The following ADGRF5 variants were observed in gnomAD, a reference collection of about 807,000 sequenced individuals.
The protein encoded by ADGRF5 is adhesion G protein-coupled receptor F5.
A neutral mutation model predicts 132.3 loss-of-function variants in ADGRF5; 75 were observed. That is an observed-to-expected ratio of 0.57 (90% CI 0.47 to 0.69). The LOEUF (loss-of-function observed/expected upper bound fraction) is 0.69. ADGRF5 is among the 30% of genes least tolerant of loss of function. The probability of loss-of-function intolerance (pLI) is 0.00; values close to 1 mark genes in which losing one functional copy is unlikely to be tolerated. For missense variants in ADGRF5, 1,516 were observed against 1,630.6 expected, an observed-to-expected ratio of 0.93 and a Z score of 1.21; for synonymous variants, 629 against 597.6, an observed-to-expected ratio of 1.05 and a Z score of -0.77.
intron 1 of ADGRF5, among the ~76,000 whole-genome samples, chr6:46,939,104 C>A (rs568465751): frequency 1.3e-5 from 2 of 152,148 alleles, no homozygotes; most frequent in Admixed American, 6.5e-5. Context: ...CTCTTGACCT[C>A]GTGATCCCCC....
At chr6:46,934,038 C>T (rs1203171708) in intron 1 of ADGRF5, among the ~76,000 whole-genome samples, 1 of 152,166 alleles carries the variant, frequency 6.6e-6, no homozygotes, top group Non-Finnish European at 1.5e-5. Context: ...AAGATCTAGA[C>T]TTTGTGTTTT....
chr6:46,929,070 T>C (rs2150933538), intron 1 of ADGRF5, among the ~76,000 whole-genome samples: 1 of 152,194 alleles, frequency 6.6e-6, no homozygotes, highest in Admixed American at 6.5e-5. Flanking sequence ...CTATTCACAA[T>C]AGCAAAGACT....
intron 14 of ADGRF5, 28 bp from the exon 15 acceptor site, chr6:46,863,124 A>G: frequency 6.6e-7 from 1 of 1,520,248 alleles, no homozygotes; most frequent in Non-Finnish European, 9.1e-7. Context: ...AAATAAAGGG[A>G]TAATTGCAAG....
chr6:46,864,714 C>A (rs980212548), intron 14 of ADGRF5, among the ~76,000 whole-genome samples: 1 of 151,940 alleles, frequency 6.6e-6, no homozygotes, highest in Admixed American at 6.6e-5. Context: ...TTAGTAGAGA[C>A]GAGGTTTCAC....
chr6:46,914,265 C>G (rs1776234669), intron 1 of ADGRF5, among the ~76,000 whole-genome samples: 1 of 152,058 alleles, frequency 6.6e-6, no homozygotes, highest in Non-Finnish European at 1.5e-5. Context: ...ATTAAAAAAC[C>G]CTTAAGTGTA....
intron 14 of ADGRF5, 54 bp from the exon 15 acceptor site, chr6:46,863,150 T>C (rs1260332123): frequency 2.3e-5 from 30 of 1,315,996 alleles, no homozygotes; most frequent in Non-Finnish European, 3.0e-5. Flanking sequence ...GACAATATAG[T>C]AGAAATACGG....
At chr6:46,909,293 C>G (rs534407350) in intron 1 of ADGRF5, among the ~76,000 whole-genome samples, 1 of 152,272 alleles carries the variant, frequency 6.6e-6, no homozygotes, top group East Asian at 1.9e-4. Context: ...AAGAGAGAAA[C>G]AGAGGCAGAG....
intron 1 of ADGRF5, among the ~76,000 whole-genome samples, chr6:46,947,949 G>A (rs972036956): frequency 5.3e-5 from 8 of 152,142 alleles, no homozygotes; most frequent in African/African-American, 1.9e-4. Context: ...GGGTGGTGAT[G>A]GGGCTGTGGA....
chr6:46,860,504 G>T (rs550258376), intron 16 of ADGRF5, among the ~76,000 whole-genome samples: 4 of 152,228 alleles, frequency 2.6e-5, no homozygotes, highest in Non-Finnish European at 5.9e-5. Context: ...AAATAAAGCA[G>T]AGATTCACTA....
chr6:46,854,600 G>A (rs867762464), intron 20 of ADGRF5: 16 of 519,688 alleles, frequency 3.1e-5, no homozygotes, highest in Middle Eastern at 6.4e-4. Context: ...GCGCAGCAAG[G>A]AAGGCAGCCT....
chr6:46,888,721 A>C (rs1483967933), intron 3 of ADGRF5, among the ~76,000 whole-genome samples: 3 of 152,204 alleles, frequency 2.0e-5, no homozygotes, highest in South Asian at 2.1e-4. Context: ...GAAGTATGGA[A>C]TGTAACGAGG....
Position 46,888,445 on chromosome 6 carries a change from T to C in ADGRF5, c.218A>G (p.Asn73Ser). ...TTTGATAGGATCCAGGAAGGATGCA[T>C]TTTCAAAACTGATCTCAATATTAAC... ...YTVNIEISFE[N>S]ASFLDPIKAY... The change falls in exon 4 of 21, where the codon AAT becomes AGT. Residue 73 changes from asparagine to serine, a missense_variant. Physicochemically the swap from Asn to Ser is conservative, Grantham distance 46. This residue lies in a region of ADGRF5 where 945 missense variants were observed against 929.4 expected (regional missense o/e 1.02). Coordinates refer to ENST00000283296, the MANE Select transcript of ADGRF5 (RefSeq NM_001098518.2). 1.2e-6 allele frequency: 2 copies of C among 1,612,754 alleles called. No individual in the cohort carries two copies. The highest frequency in any genetic ancestry group is 1.7e-6 in the Non-Finnish European group (2 of 1,178,750).
Position 46,883,645 on chromosome 6 carries a change from C to T in ADGRF5, c.526G>A (p.Val176Ile), listed in dbSNP as rs1772737525. 1 of 1,592,988 alleles carries T rather than the reference C, an allele frequency of 6.3e-7. No individual in the cohort carries two copies. The highest frequency in any genetic ancestry group is 1.1e-5 in the South Asian group (1 of 88,844). ...TCTTGAAAGCCTACATTTAGTCTGA[C>T]TCTCATGTTCAGGGTAACATCTGTT... ...LQEDVTLNMR[V>I]RLNVGFQEDL... is the part of the protein sequence containing the mutation. The change falls in exon 6 of 21, where the codon GTC (valine) becomes ATC (isoleucine). Residue 176 changes from valine (V) to isoleucine (I), a missense_variant. By Grantham distance (29) the Val-to-Ile change is conservative. Around this residue, in one of 2 missense-constraint regions of ADGRF5, gnomAD observed 945 missense variants for 929.4 expected, o/e 1.02. Transcript: ENST00000283296.
chr6:46,865,273 T>C, intron 13 of ADGRF5, 76 bp from the exon 14 acceptor site: 1 of 1,029,418 alleles, frequency 9.7e-7, no homozygotes, highest in Non-Finnish European at 1.5e-6. Context: ...GATAACCTAA[T>C]ATGAATAAAC....
chr6:46,855,458 G>T (rs1768934349), intron 20 of ADGRF5, among the ~76,000 whole-genome samples: 1 of 152,270 alleles, frequency 6.6e-6, no homozygotes, highest in Admixed American at 6.5e-5. Context: ...TAACTTGGGT[G>T]ATCCCTTACG....
At chr6:46,854,358 C>T (rs1768796771) in intron 20 of ADGRF5, among the ~76,000 whole-genome samples, 1 of 152,212 alleles carries the variant, frequency 6.6e-6, no homozygotes, top group East Asian at 1.9e-4. Context: ...GTGGAAAGCC[C>T]TGCACATGCC....
chr6:46,898,728 G>A (rs1774433565), intron 3 of ADGRF5, among the ~76,000 whole-genome samples: 1 of 152,130 alleles, frequency 6.6e-6, no homozygotes, highest in Non-Finnish European at 1.5e-5. Flanking sequence ...TGATCTTAGG[G>A]TAAGCCTGCC....
chr6:46,859,485 G>C lies in ADGRF5; in HGVS notation c.2418C>G (p.Pro806=), dbSNP rs1454749760. Residue 806 remains proline (P), a synonymous_variant, in exon 17 of 21, where the codon CCC becomes CCG. Coordinates refer to ENST00000283296, the MANE Select transcript of ADGRF5 (RefSeq NM_001098518.2). The part of the protein sequence containing the change: ...LSTVNVILGK[P]VLNTWKVLQQ... ...GTAAAACCTTCCAGGTGTTCAAGAC[G>C]GGCTTGCCAAGGATGACATTAACCG... The C allele has an allele frequency of 1.9e-6, 3 of 1,613,020 alleles. No homozygotes were observed. In the African/African-American group the frequency reaches 4.0e-5, roughly 22 times the overall value.
At chr6:46,923,373 C>G (rs1777091274), upstream of ADGRF5, among the ~76,000 whole-genome samples, 2 of 152,198 alleles carry the variant, frequency 1.3e-5, no homozygotes, top group Non-Finnish European at 2.9e-5. Context: ...ATCCTCTCTC[C>G]CCTCCAGCTG....
Sources: gnomAD v4.1 joint callset for allele counts (sites outside exome capture counted in the v4.1 genomes callset) on GRCh38, gnomAD v4.1.1 for gene constraint, gnomAD v4.1.1 regional missense constraint, MANE v1.5 for transcripts, NCBI Gene and HGNC (gene_info 2026-07-23, HGNC 2026-07-21) for gene names.